ADAT2: variants seen among roughly 807,000 people sequenced by gnomAD.
The protein encoded by ADAT2 is adenosine deaminase tRNA specific 2.
A neutral mutation model predicts 25.9 loss-of-function variants in ADAT2; 26 were observed. The ratio of observed to expected loss-of-function variants is 1.00; its 90% CI spans 0.74 to 1.39. The LOEUF is 1.39. Ranked by LOEUF, ADAT2 falls within the 40% of genes most tolerant of loss-of-function variation. The pLI is 0.00. For synonymous variants in ADAT2, 76 were observed against 86.8 expected, an observed-to-expected ratio of 0.88 and a Z score of 0.69; for missense variants, 220 against 244.8, an observed-to-expected ratio of 0.90 and a Z score of 0.68.
Position 143,426,466 on chromosome 6 carries a change from A to G in ADAT2, c.*1997T>C. 6.6e-6 allele frequency: 1 copy of G among 152,214 alleles called. No homozygotes were observed. The highest frequency in any genetic ancestry group is 1.5e-5 in the Non-Finnish European group (1 of 68,048). The allele number at this position is 152,214 out of a possible 1,614,324, so 9.4% of individuals were successfully genotyped here. ...CAAACATTTAGGACAGATTTTCGATAGGTTAATTACTGAAGAGGGAACCAA... is the reference window on the plus strand; with the variant it reads ...CAAACATTTAGGACAGATTTTCGATGGGTTAATTACTGAAGAGGGAACCAA... On this transcript the variant is annotated 3_prime_UTR_variant, in exon 6 of 6. Transcript: ENST00000237283. This position sits in a 1 kb window ranked among gnomAD's most constrained non-coding sequence, Gnocchi z 4.1.
intron 1 of ADAT2, among the ~76,000 whole-genome samples, chr6:143,449,519 T>C (rs1377700943): frequency 6.6e-6 from 1 of 152,314 alleles, no homozygotes; most frequent in Non-Finnish European, 1.5e-5. Context: ...TCTTGGGTTT[T>C]AGCATATACA....
At chr6:143,450,463 A>C (rs1779729119) in intron 1 of ADAT2, 100 bp downstream of exon 1, 1 of 1,314,522 alleles carries the variant, frequency 7.6e-7, no homozygotes, top group East Asian at 2.3e-5. Flanking sequence ...CTGCCATAAA[A>C]ATTATGGTGA....
intron 1 of ADAT2, 116 bp from the exon 2 acceptor site, chr6:143,438,810 T>C: frequency 1.2e-6 from 1 of 804,758 alleles, no homozygotes; most frequent in Non-Finnish European, 2.0e-6. Flanking sequence ...AACAAAGAAG[T>C]GCAGCCTTCC....
rs546184366 is a variant in ADAT2, at chr6:143,433,843, G to C, written c.340C>G (p.Leu114Val). The C allele has an allele frequency of 3.7e-6, 6 of 1,613,852 alleles. No individual in the cohort carries two copies. The African/African-American group carries it at 4.0e-5, about 11-fold the overall frequency. ...VEPCIMCAAA[L>V]RLMKIPLVVY... ...AGTCAAAGGATACTCATCAGGCGGAGAGCAGCTGCACACATAATGCACGGC... is the reference window on the plus strand; with the variant it reads ...AGTCAAAGGATACTCATCAGGCGGACAGCAGCTGCACACATAATGCACGGC... Residue 114 changes from leucine to valine, a missense_variant, in exon 3 of 6, where the codon CTC (leucine) becomes GTC (valine). By Grantham distance (32) the Leu-to-Val change is conservative. Transcript: ENST00000237283.
chr6:143,450,605 C>T lies in ADAT2; in HGVS notation c.54G>A (p.Ser18=). 1.2e-6 allele frequency: 2 copies of T among 1,614,116 alleles called. No individual in the cohort carries two copies. The highest frequency in any genetic ancestry group is 1.7e-6 in the Non-Finnish European group (2 of 1,180,038). Residue 18 remains serine, a synonymous_variant, in exon 1 of 6, where the codon TCG becomes TCA. Coordinates refer to ENST00000237283, the MANE Select transcript of ADAT2 (RefSeq NM_182503.3). ...KPAASGACSV[S]AEETEKWMEE... is the part of the protein sequence containing the mutation. The stretch of plus-strand genomic sequence containing the variant: ...CCATCCACTTTTCGGTCTCCTCTGC[C>T]GACACCGAGCACGCGCCGCTTGCAG...
chr6:143,443,763 G>A (rs912014013), intron 1 of ADAT2, among the ~76,000 whole-genome samples: 4 of 151,726 alleles, frequency 2.6e-5, no homozygotes, highest in African/African-American at 4.8e-5. Flanking sequence ...CCCAGGAGGC[G>A]GAGGTTGCAG....
chr6:143,428,408 C>T lies in ADAT2; in HGVS notation c.*55G>A. The T allele has an allele frequency of 6.4e-7, 1 of 1,565,102 alleles. No homozygotes were observed. The highest frequency in any genetic ancestry group is 8.7e-7 in the Non-Finnish European group (1 of 1,143,130). ...TTCAACGATGTCAACAGCTTTCAGTCTATGAATCTTGTCCAGGTCACTTTG... is the reference window on the plus strand; with the variant it reads ...TTCAACGATGTCAACAGCTTTCAGTTTATGAATCTTGTCCAGGTCACTTTG... On this transcript the variant is annotated 3_prime_UTR_variant, in exon 6 of 6. Transcript: ENST00000237283. The surrounding 1 kb of genome is among the most constrained non-coding windows in gnomAD (Gnocchi z 5.0).
rs1256841872 is a variant in ADAT2, at chr6:143,427,156, C to T, written c.*1307G>A. On this transcript the variant is annotated 3_prime_UTR_variant, in exon 6 of 6. Transcript: ENST00000237283. ...ACACAAAACCAAGCAATTATAAGTC[C>T]TCTGAAGCATGTAACTGTGATTAGC... 6.9e-6 allele frequency: 1 copy of T among 145,618 alleles called. No individual in the cohort carries two copies. Among genetic ancestry groups the T allele is most frequent in the Non-Finnish European group, 1.5e-5 (1 of 65,240 alleles). 9.0% of individuals were successfully genotyped at this position (145,618 alleles called of 1,614,324 possible). A position where few individuals can be genotyped will look rare whatever the true frequency, so the allele number is the denominator to read the frequency against.
Position 143,437,673 on chromosome 6 carries a change from ATGTG to A in ADAT2, c.201+913_201+916del, listed in dbSNP as rs1779331318. The stretch of plus-strand genomic sequence containing the variant: ...TTGTGAATCTGGATTCCTATTTTAC[ATGTG>A]TTTTGCTAAATATCAGTTTTCTTTT... On this transcript the variant is annotated intron_variant, in intron 2 of 5. Coordinates refer to ENST00000237283, the MANE Select transcript of ADAT2 (RefSeq NM_182503.3). The surrounding 1 kb of genome is among the most constrained non-coding windows in gnomAD (Gnocchi z 4.1). Among the ~76,000 whole-genome samples, 1 of 152,196 alleles carries A rather than the reference ATGTG, an allele frequency of 6.6e-6. No individual in the cohort carries two copies. The highest frequency in any genetic ancestry group is 1.5e-5 in the Non-Finnish European group (1 of 68,014).
intron 4 of ADAT2, among the ~76,000 whole-genome samples, chr6:143,431,386 T>A (rs1390213180): frequency 1.3e-5 from 2 of 152,190 alleles, no homozygotes; most frequent in Non-Finnish European, 1.5e-5. Context: ...ATTATTTAGA[T>A]CATTCTCATA....
At position 143,445,011 on chromosome 6, in the gene ADAT2, G is replaced by C. The variant is rs1402259745; in HGVS notation, c.96+5552C>G. 3 of 1,236,958 alleles carry C rather than the reference G, an allele frequency of 2.4e-6. No individual in the cohort carries two copies. The African/African-American group carries it at 4.7e-5, about 19-fold the overall frequency. The allele number at this position is 1,236,958 out of a possible 1,614,324, so 76.6% of individuals were successfully genotyped here. On this transcript the variant is annotated intron_variant, in intron 1 of 5. Transcript: ENST00000237283. The stretch of plus-strand genomic sequence containing the variant: ...TTAGGGGGAACAAACAAGTTAGCCA[G>C]AACTCTCAGGTAGAACATCATCCTG...
Position 143,450,638 on chromosome 6 carries a change from G to C in ADAT2, c.21C>G (p.Pro7=), listed in dbSNP as rs1298240289. The C allele has an allele frequency of 5.0e-6, 8 of 1,613,760 alleles. No homozygotes were observed. The highest frequency in any genetic ancestry group is 6.8e-6 in the Non-Finnish European group (8 of 1,180,020). MEAKAA[P]KPAASGACSV... ...AGCACGCGCCGCTTGCAGCTGGCTT[G>C]GGTGCCGCCTTCGCCTCCATACCCA... is the stretch of plus-strand genomic sequence containing the variant. The change falls in exon 1 of 6, where the codon CCC becomes CCG. Residue 7 remains proline (P), a synonymous_variant. Transcript: ENST00000237283.
Position 143,444,253 on chromosome 6 carries a change from G to T in ADAT2, c.97-5559C>A, listed in dbSNP as rs1779537193. Among the ~76,000 whole-genome samples the T allele has an allele frequency of 6.6e-6, 1 of 152,090 alleles. No individual in the cohort carries two copies. Among genetic ancestry groups the T allele is most frequent in the South Asian group, 2.1e-4 (1 of 4,820 alleles). On this transcript the variant is annotated intron_variant, in intron 1 of 5. Transcript: ENST00000237283. The surrounding 1 kb of genome is among the most constrained non-coding windows in gnomAD (Gnocchi z 4.3). ...AACAGAGAGCAAATATGAGCGATCGGAATATTTTAAAAGGACAAATAACGT... is the reference window on the plus strand; with the variant it reads ...AACAGAGAGCAAATATGAGCGATCGTAATATTTTAAAAGGACAAATAACGT...
At chr6:143,439,523 G>A (rs1423409508) in intron 1 of ADAT2, among the ~76,000 whole-genome samples, 2 of 152,124 alleles carry the variant, frequency 1.3e-5, no homozygotes, top group African/African-American at 4.8e-5. Flanking sequence ...AGGAACTACT[G>A]ATACTGTGAC....
chr6:143,438,402 A>C (rs1223135507), intron 2 of ADAT2, among the ~76,000 whole-genome samples, 188 bp downstream of exon 2: 1 of 152,198 alleles, frequency 6.6e-6, no homozygotes, highest in Non-Finnish European at 1.5e-5. Flanking sequence ...AATAAAAAAA[A>C]TCAACATGTA....
Position 143,438,836 on chromosome 6 carries a change from G to T in ADAT2, c.97-142C>A, listed in dbSNP as rs1583983069. The T allele has an allele frequency of 5.9e-6, 4 of 675,918 alleles. No homozygotes were observed. In the East Asian group the frequency reaches 1.1e-4, roughly 19 times the overall value. 41.9% of individuals were successfully genotyped at this position (675,918 alleles called of 1,614,324 possible). ...GCAGCCTTCCCTTTTCTGGAATATA[G>T]TTCCATTACGGTATTTAGTGCCCGT... On this transcript the variant is annotated intron_variant, in intron 1 of 5. Transcript: ENST00000237283.
intron 1 of ADAT2, among the ~76,000 whole-genome samples, chr6:143,443,178 C>T (rs1319188276): frequency 6.6e-6 from 1 of 151,852 alleles, no homozygotes; most frequent in Non-Finnish European, 1.5e-5. Flanking sequence ...ATATATCTCT[C>T]ACTAGCGCAT....
rs1032935440 is a variant in ADAT2, at chr6:143,440,490, T to C, written c.97-1796A>G. Among the ~76,000 whole-genome samples the C allele has an allele frequency of 2.0e-5, 3 of 152,180 alleles. No individual in the cohort carries two copies. The highest frequency in any genetic ancestry group is 6.5e-5 in the Admixed American group (1 of 15,272). ...CAGCAGGAGCAAACTGGGCCTCTCT[T>C]TTCTCCATCTGGTTGGTGGGTCAGA... On this transcript the variant is annotated intron_variant, in intron 1 of 5. Transcript: ENST00000237283. The surrounding 1 kb of genome is among the most constrained non-coding windows in gnomAD (Gnocchi z 4.5).
rs1249223476 is a variant in ADAT2, at chr6:143,437,604, C to G, written c.201+986G>C. Among the ~76,000 whole-genome samples, 1 of 151,976 alleles carries G rather than the reference C, an allele frequency of 6.6e-6. No homozygotes were observed. Among genetic ancestry groups the G allele is most frequent in the African/African-American group, 2.4e-5 (1 of 41,382 alleles). On this transcript the variant is annotated intron_variant, in intron 2 of 5. Coordinates refer to ENST00000237283, the MANE Select transcript of ADAT2 (RefSeq NM_182503.3). This position sits in a 1 kb window ranked among gnomAD's most constrained non-coding sequence, Gnocchi z 4.1. ...CAGAAGTTACGTATTAAAATATAAT[C>G]CTGTTCTATTTTATGGCTAAAAATA...
Sources: allele counts gnomAD v4.1 joint callset (sites outside exome capture counted in the v4.1 genomes callset), GRCh38; gene constraint gnomAD v4.1.1; non-coding constraint Gnocchi (gnomAD v3.1); transcripts MANE v1.5; gene names NCBI Gene and HGNC (gene_info 2026-07-23, HGNC 2026-07-21).